The following PLD1 variants were observed in gnomAD, a reference collection of about 807,000 sequenced individuals.
PLD1 encodes phospholipase D1.
A neutral mutation model predicts 137.1 loss-of-function variants in PLD1; 112 were observed. That is an observed-to-expected ratio of 0.82 (90% confidence interval 0.70 to 0.96). The LOEUF (loss-of-function observed/expected upper bound fraction) is 0.96. Among genes scored for constraint, PLD1 ranks in the 40% least tolerant of loss-of-function variants. PLD1 has a pLI of 0.00. For synonymous variants in PLD1, 431 were observed against 454.7 expected (o/e 0.95, Z 0.66); for missense variants, 1,321 against 1,342.0 (o/e 0.98, Z 0.24).
chr3:171,744,883 T>C (rs1401847096), intron 1 of PLD1, among the ~76,000 whole-genome samples: 1 of 152,218 alleles, frequency 6.6e-6, no homozygotes, highest in Admixed American at 6.5e-5. Flanking sequence ...AGAAATCCCA[T>C]AAGACATCAT....
At chr3:171,765,881 T>G (rs1265835123) in intron 1 of PLD1, among the ~76,000 whole-genome samples, 2 of 152,206 alleles carry the variant, frequency 1.3e-5, no homozygotes, top group African/African-American at 4.8e-5. Flanking sequence ...GGACTGATGT[T>G]TCAGGTATTT....
At position 171,724,705 on chromosome 3, in the gene PLD1, C is replaced by G. The variant is rs902645388; in HGVS notation, c.749G>C (p.Trp250Ser). Residue 250 changes from tryptophan (W) to serine (S), a missense_variant, in exon 8 of 27, where the codon TGG becomes TCG. Physicochemically the swap from Trp to Ser is radical, Grantham distance 177 (BLOSUM62 -3). Coordinates refer to ENST00000351298, the MANE Select transcript of PLD1 (RefSeq NM_002662.5). ...CCGQGRACYR[W>S]SKRWLIVKDS... is the part of the protein sequence containing the mutation. ...ACTCACTAATTCCTACCTTTTTGACCATCTGTAGCAGGCTCTTCCCTGACC... is the reference window on the plus strand; with the variant it reads ...ACTCACTAATTCCTACCTTTTTGACGATCTGTAGCAGGCTCTTCCCTGACC... The G allele has an allele frequency of 6.9e-6, 11 of 1,598,778 alleles. No homozygotes were observed. The highest frequency in any genetic ancestry group is 9.4e-6 in the Non-Finnish European group (11 of 1,166,650).
intron 1 of PLD1, among the ~76,000 whole-genome samples, chr3:171,778,665 C>G (rs532819805): frequency 2.6e-5 from 4 of 152,082 alleles, no homozygotes; most frequent in Non-Finnish European, 4.4e-5. Flanking sequence ...ACAAACTTGG[C>G]GTGTTCAAGA....
intron 16 of PLD1, among the ~76,000 whole-genome samples, chr3:171,681,933 A>G (rs898343764): frequency 1.6e-4 from 24 of 152,104 alleles, no homozygotes; most frequent in Admixed American, 5.2e-4. Flanking sequence ...TACCTATTTA[A>G]TATTGCTTAA....
intron 1 of PLD1, among the ~76,000 whole-genome samples, chr3:171,784,043 A>G (rs1295396787): frequency 6.6e-6 from 1 of 151,940 alleles, no homozygotes; most frequent in Non-Finnish European, 1.5e-5. Context: ...TCTTTTCAAG[A>G]CCCAGGGGTA....
At chr3:171,792,387 G>T (rs1220984030) in intron 1 of PLD1, 3 of 357,296 alleles carry the variant, frequency 8.4e-6, no homozygotes, top group South Asian at 6.3e-5. Flanking sequence ...TAAGAGTAGT[G>T]GGGGCTGGGT....
At chr3:171,611,568 ATTAGTTTAAAATTTGCATCTT>A (rs1732660933) in intron 25 of PLD1, 1 of 518,716 alleles carries the variant, frequency 1.9e-6, no homozygotes, top group South Asian at 1.4e-5. Flanking sequence ...TTCACCACAG[ATTAGTTTAAAATTTGCATCTT>A]CTTGCCAAAG....
intron 19 of PLD1, among the ~76,000 whole-genome samples, chr3:171,666,603 T>C (rs1712175454): frequency 6.6e-6 from 1 of 152,256 alleles, no homozygotes; most frequent in Non-Finnish European, 1.5e-5. Flanking sequence ...AGATTTCCTT[T>C]TGTTTTAATA....
At chr3:171,758,387 A>C (rs542846985) in intron 1 of PLD1, among the ~76,000 whole-genome samples, 1 of 152,336 alleles carries the variant, frequency 6.6e-6, no homozygotes, top group Admixed American at 6.5e-5. Flanking sequence ...GTGATCAATG[A>C]ACAAATGTTG....
At chr3:171,751,004 A>G (rs1578411392) in intron 1 of PLD1, among the ~76,000 whole-genome samples, 1 of 152,134 alleles carries the variant, frequency 6.6e-6, no homozygotes, top group East Asian at 1.9e-4. Context: ...CCCAAAACAA[A>G]CCTATTCAAA....
At chr3:171,753,023 C>G (rs1720770088) in intron 1 of PLD1, among the ~76,000 whole-genome samples, 1 of 152,198 alleles carries the variant, frequency 6.6e-6, no homozygotes, top group Non-Finnish European at 1.5e-5. Flanking sequence ...CTCTGTTGCA[C>G]TCTGCTTGCC....
At chr3:171,657,078 GT>G (rs1187172992) in intron 21 of PLD1, among the ~76,000 whole-genome samples, 8 of 152,164 alleles carry the variant, frequency 5.3e-5, no homozygotes, top group Non-Finnish European at 1.2e-4. Flanking sequence ...GCTCAAAGCT[GT>G]TTTTTGCCTA....
At chr3:171,743,101 G>A (rs1719898218) in intron 1 of PLD1, among the ~76,000 whole-genome samples, 1 of 152,088 alleles carries the variant, frequency 6.6e-6, no homozygotes, top group Admixed American at 6.5e-5. Flanking sequence ...CCAGCCCCAG[G>A]GTTGCAGTGT....
intron 23 of PLD1, among the ~76,000 whole-genome samples, chr3:171,631,492 T>C (rs770383625): frequency 6.6e-6 from 1 of 152,168 alleles, no homozygotes; most frequent in Non-Finnish European, 1.5e-5. Flanking sequence ...AGTGATATTC[T>C]AGTAGCAATG....
At chr3:171,613,905 T>A (rs918715098) in intron 24 of PLD1, among the ~76,000 whole-genome samples, 1 of 152,200 alleles carries the variant, frequency 6.6e-6, no homozygotes, top group Non-Finnish European at 1.5e-5. Flanking sequence ...TGACTCTTCT[T>A]GTTCCTCTTG....
At chr3:171,729,404 A>C (rs1406996828) in intron 6 of PLD1, among the ~76,000 whole-genome samples, 1 of 152,212 alleles carries the variant, frequency 6.6e-6, no homozygotes, top group Non-Finnish European at 1.5e-5. Context: ...GAGACAAGCA[A>C]CAAGCCCTAG....
intron 1 of PLD1, among the ~76,000 whole-genome samples, chr3:171,756,924 C>T (rs1721071864): frequency 1.3e-5 from 2 of 152,116 alleles, no homozygotes; most frequent in South Asian, 4.1e-4. Flanking sequence ...TAAATTATAT[C>T]CCAATAAAGA....
chr3:171,665,443 T>C (rs1229791155), intron 19 of PLD1, among the ~76,000 whole-genome samples: 2 of 152,208 alleles, frequency 1.3e-5, no homozygotes, highest in Non-Finnish European at 2.9e-5. Context: ...CTCACACCTG[T>C]AATCCCAGCA....
intron 9 of PLD1, among the ~76,000 whole-genome samples, chr3:171,712,248 G>A (rs1307477619): frequency 1.3e-5 from 2 of 152,228 alleles, no homozygotes; most frequent in Middle Eastern, 3.2e-3. Context: ...GAGACGTGGT[G>A]GAGCTGAGAG....
Sources: gnomAD v4.1 joint callset for allele counts (sites outside exome capture counted in the v4.1 genomes callset) on GRCh38, gnomAD v4.1.1 for gene constraint, MANE v1.5 for transcripts, NCBI Gene and HGNC (gene_info 2026-07-23, HGNC 2026-07-21) for gene names.